The following DPPA2 variants were observed in gnomAD, a reference collection of about 807,000 sequenced individuals.
DPPA2 encodes the protein developmental pluripotency-associated protein 2.
In DPPA2, 26 loss-of-function variants were observed where a neutral mutation model predicts 36.2. That is an observed-to-expected ratio of 0.72 (90% CI 0.53 to 1.00). The LOEUF (loss-of-function observed/expected upper bound fraction) is 1.00. Ranked by LOEUF, DPPA2 falls within the 50% of genes least tolerant of loss-of-function variation. The pLI is 0.00. For missense variants in DPPA2, 361 were observed against 365.1 expected, an observed-to-expected ratio of 0.99 and a Z score of 0.09; for synonymous variants, 113 against 123.2, an observed-to-expected ratio of 0.92 and a Z score of 0.55.
At chr3:109,298,716 A>AT (rs1707402668) in intron 8 of DPPA2, among the ~76,000 whole-genome samples, 11 of 124,734 alleles carry the variant, frequency 8.8e-5, no homozygotes, top group African/African-American at 1.4e-4. Flanking sequence ...ATTCTGTCTA[A>AT]AAATAATAAT....
At position 109,304,381 on chromosome 3, in the gene DPPA2, T is replaced by C. The variant is rs554391545; in HGVS notation, c.854+94A>G. The C allele has an allele frequency of 4.6e-6, 6 of 1,297,536 alleles. No individual in the cohort carries two copies. The African/African-American group carries it at 6.1e-5, about 13-fold the overall frequency. The allele number at this position is 1,297,536 out of a possible 1,614,324, so 80.4% of individuals were successfully genotyped here. A position where few individuals can be genotyped will look rare whatever the true frequency, so the allele number is the denominator to read the frequency against. ...TGTGGCAAATTAAGAAGACAGCATGTTCGCCCTCTGCTTTCTACTGTTAAA... is the reference window on the plus strand; with the variant it reads ...TGTGGCAAATTAAGAAGACAGCATGCTCGCCCTCTGCTTTCTACTGTTAAA... On this transcript the variant is annotated intron_variant, in intron 7 of 8. Transcript: ENST00000478945.
rs745368340 is a variant in DPPA2, at chr3:109,304,501, A to G, written c.828T>C (p.Asn276=). 4.3e-6 allele frequency: 7 copies of G among 1,613,590 alleles called. No homozygotes were observed. Among genetic ancestry groups the G allele is most frequent in the Non-Finnish European group, 1.7e-6 (2 of 1,179,860 alleles). Reference sequence around the variant, plus strand: ...TCTTAGCACAGTCGGGGCATAACATATTATCTTCTATGCCTGGGGATGGGA... The same window carrying G: ...TCTTAGCACAGTCGGGGCATAACATGTTATCTTCTATGCCTGGGGATGGGA... The part of the protein sequence containing the change: ...CIFPSPGIED[N]MLCPDCAKRN... The change falls in exon 7 of 9, where the codon AAT becomes AAC. Residue 276 remains asparagine (N), a synonymous_variant. Coordinates refer to ENST00000478945, the MANE Select transcript of DPPA2 (RefSeq NM_138815.4).
At chr3:109,308,903 A>G in intron 5 of DPPA2, 123 bp downstream of exon 5, 1 of 1,192,104 alleles carries the variant, frequency 8.4e-7, no homozygotes, top group South Asian at 1.3e-5. Context: ...CCGAAATATC[A>G]ATAATGCCAC....
chr3:109,315,492 T>C (rs1467413750), intron 1 of DPPA2, among the ~76,000 whole-genome samples: 5 of 152,188 alleles, frequency 3.3e-5, no homozygotes, highest in Non-Finnish European at 7.3e-5. Flanking sequence ...TAGGAATTGC[T>C]GGAGCCTAAT....
chr3:109,300,257 CT>C (rs1707434868), intron 8 of DPPA2, 113 bp downstream of exon 8: 1 of 816,652 alleles, frequency 1.2e-6, no homozygotes, highest in South Asian at 1.6e-5. Flanking sequence ...CATTTATGTC[CT>C]GTTTTTTAGT....
chr3:109,307,871 C>T (rs1161685498), intron 6 of DPPA2, among the ~76,000 whole-genome samples, 161 bp downstream of exon 6: 3 of 152,194 alleles, frequency 2.0e-5, no homozygotes, highest in Non-Finnish European at 4.4e-5. Context: ...CATGACTATC[C>T]ATCAATATGA....
chr3:109,312,722 A>G, intron 2 of DPPA2, 30 bp from the exon 3 acceptor site: 1 of 1,611,166 alleles, frequency 6.2e-7, no homozygotes, highest in East Asian at 2.2e-5. Context: ...ACTGATTTTC[A>G]TTTGATGCGG....
At position 109,304,543 on chromosome 3, in the gene DPPA2, C is replaced by G. The variant is rs750273666; in HGVS notation, c.786G>C (p.Leu262Phe). The change falls in exon 7 of 9, where the codon TTG becomes TTC. Residue 262 changes from leucine to phenylalanine, a missense_variant. Transcript: ENST00000478945. ...GGGATGGGAAAATGCAGGCAGGTAA[C>G]AAGAAGAGAGAAATCATCCTCCTGT... ...TTHRRMISLF[L>F]LPACIFPSPG... 6.2e-7 allele frequency: 1 copy of G among 1,614,012 alleles called. No homozygotes were observed. Among genetic ancestry groups the G allele is most frequent in the African/African-American group, 1.3e-5 (1 of 74,990 alleles).
At chr3:109,301,422 C>G (rs560934368) in intron 7 of DPPA2, among the ~76,000 whole-genome samples, 1 of 152,044 alleles carries the variant, frequency 6.6e-6, no homozygotes, top group Non-Finnish European at 1.5e-5. Flanking sequence ...GAGGCTGAGG[C>G]GAGTGGATCA....
intron 5 of DPPA2, among the ~76,000 whole-genome samples, 162 bp from the exon 6 acceptor site, chr3:109,308,455 C>T (rs1707621201): frequency 6.6e-6 from 1 of 152,176 alleles, no homozygotes; most frequent in Non-Finnish European, 1.5e-5. Flanking sequence ...CTCCGCCTCC[C>T]AGGTTCAAGC....
intron 5 of DPPA2, 64 bp downstream of exon 5, chr3:109,308,962 G>C (rs985669018): frequency 3.2e-6 from 5 of 1,586,624 alleles, no homozygotes; most frequent in East Asian, 2.2e-5. Context: ...ATGGTGCGAC[G>C]GTAGGGACCG....
chr3:109,308,216 C>A lies in DPPA2; in HGVS notation c.474G>T (p.Arg158Ser). The change falls in exon 6 of 9, where the codon AGG (arginine) becomes AGT (serine). Residue 158 changes from arginine (R) to serine (S), a missense_variant. Physicochemically the swap from Arg to Ser is moderately radical, Grantham distance 110. Coordinates refer to ENST00000478945, the MANE Select transcript of DPPA2 (RefSeq NM_138815.4). ...RKRKAVTKRA[R>S]LQRSYEMNER... ...CATTCATCTCATAACTTCTCTGAAG[C>A]CTTGCTCTCTTGGTCACTGCCTTGC... The A allele has an allele frequency of 6.2e-7, 1 of 1,614,238 alleles. No individual in the cohort carries two copies. The highest frequency in any genetic ancestry group is 8.5e-7 in the Non-Finnish European group (1 of 1,180,046).
intron 8 of DPPA2, among the ~76,000 whole-genome samples, chr3:109,295,964 G>A (rs1707344963): frequency 6.6e-6 from 1 of 151,898 alleles, no homozygotes; most frequent in Non-Finnish European, 1.5e-5. Flanking sequence ...AGAATCAGAG[G>A]GCTTAAACAA....
Position 109,300,404 on chromosome 3 carries a change from C to T in DPPA2, c.886G>A (p.Val296Ile). 1 of 1,613,886 alleles carries T rather than the reference C, an allele frequency of 6.2e-7. No homozygotes were observed. The highest frequency in any genetic ancestry group is 8.5e-7 in the Non-Finnish European group (1 of 1,179,814). Residue 296 changes from valine to isoleucine, a missense_variant, in exon 8 of 9, where the codon GTA (valine) becomes ATA (isoleucine). Coordinates refer to ENST00000478945, the MANE Select transcript of DPPA2 (RefSeq NM_138815.4). ...NKKMMKRLMT[V>I]EK Reference sequence around the variant, plus strand: ...CAAACAGGTTGCTGCTACTTCTCTACTGTCATTAATCTTTTCATCATCTTC... The same window carrying T: ...CAAACAGGTTGCTGCTACTTCTCTATTGTCATTAATCTTTTCATCATCTTC...
intron 3 of DPPA2, among the ~76,000 whole-genome samples, chr3:109,310,169 GGT>G (rs1366117169): frequency 2.7e-5 from 4 of 149,844 alleles, no homozygotes; most frequent in Non-Finnish European, 4.4e-5. Flanking sequence ...CGGAGGTTGT[GGT>G]GAGCCAAGAT....
chr3:109,312,449 G>A (rs1707727210), intron 3 of DPPA2, 96 bp downstream of exon 3: 1 of 1,428,272 alleles, frequency 7.0e-7, no homozygotes, highest in Non-Finnish European at 9.4e-7. Flanking sequence ...TAAGCTGGGT[G>A]TTGTATAGTC....
chr3:109,310,348 C>T (rs767427048), intron 3 of DPPA2, among the ~76,000 whole-genome samples: 61 of 130,040 alleles, frequency 4.7e-4, no homozygotes, highest in Non-Finnish European at 7.0e-4. Context: ...GCAGAGGCGG[C>T]AGCGAGCTGA....
intron 8 of DPPA2, chr3:109,295,450 T>C (rs1707336432): frequency 6.6e-6 from 1 of 151,848 alleles, no homozygotes; most frequent in East Asian, 2.0e-4. Context: ...TTTACCATGT[T>C]GGCCAGGCTG....
intron 2 of DPPA2, among the ~76,000 whole-genome samples, chr3:109,313,935 T>G (rs1179814582): frequency 1.3e-5 from 2 of 152,054 alleles, no homozygotes; most frequent in Admixed American, 1.3e-4. Context: ...ACGGGTACAG[T>G]GATGCCTGTA....
Sources: allele counts gnomAD v4.1 joint callset (sites outside exome capture counted in the v4.1 genomes callset), GRCh38; gene constraint gnomAD v4.1.1; transcripts MANE v1.5; gene names NCBI Gene and HGNC (gene_info 2026-07-23, HGNC 2026-07-21).